Variants in RASA1 observed in about 807,000 individuals in gnomAD.
The protein encoded by RASA1 is ras GTPase-activating protein 1.
A neutral mutation model predicts 132.2 loss-of-function variants in RASA1; 25 were observed. The ratio of observed to expected loss-of-function variants is 0.19; its 90% CI spans 0.14 to 0.26. The LOEUF (loss-of-function observed/expected upper bound fraction) is 0.26. Among genes scored for constraint, RASA1 ranks in the 10% least tolerant of loss-of-function variants. The probability of loss-of-function intolerance (pLI) is 1.00; values close to 1 mark genes in which losing one functional copy is unlikely to be tolerated. For missense variants in RASA1, 964 were observed against 1,299.2 expected, an observed-to-expected ratio of 0.74 and a Z score of 3.97; for synonymous variants, 477 against 449.9, an observed-to-expected ratio of 1.06 and a Z score of -0.76.
chr5:87,290,064 T>C (rs1055144635), intron 1 of RASA1, among the ~76,000 whole-genome samples: 1 of 152,248 alleles, frequency 6.6e-6, no homozygotes, highest in Non-Finnish European at 1.5e-5. Flanking sequence ...GCAGTCATCT[T>C]GACTTTTGCT....
intron 24 of RASA1, among the ~76,000 whole-genome samples, chr5:87,390,501 T>A (rs1001406057): frequency 8.5e-5 from 13 of 152,078 alleles, no homozygotes; most frequent in African/African-American, 2.9e-4. Flanking sequence ...AAGCCTTTTT[T>A]AAAAGAGAGA....
intron 1 of RASA1, among the ~76,000 whole-genome samples, chr5:87,309,340 A>G (rs964635865): frequency 3.3e-5 from 5 of 152,156 alleles, no homozygotes; most frequent in African/African-American, 1.2e-4. Flanking sequence ...AGAAAAGAGC[A>G]ATCAGACAGG....
chr5:87,278,622 A>G (rs577410262), intron 1 of RASA1, among the ~76,000 whole-genome samples: 5 of 152,192 alleles, frequency 3.3e-5, no homozygotes, highest in South Asian at 2.1e-4. Context: ...AACATCTTGC[A>G]TAACTATAGT....
At chr5:87,290,203 A>G (rs1392110854) in intron 1 of RASA1, among the ~76,000 whole-genome samples, 2 of 152,192 alleles carry the variant, frequency 1.3e-5, no homozygotes, top group African/African-American at 4.8e-5. Context: ...GAGGACAAGG[A>G]GGATGCAAAA....
At chr5:87,383,837 C>A (rs1761892380) in intron 21 of RASA1, 57 bp downstream of exon 21, 17 of 1,314,102 alleles carry the variant, frequency 1.3e-5, no homozygotes, top group South Asian at 2.5e-5. Context: ...CAGTTTCATA[C>A]TATTTAAGAA....
intron 1 of RASA1, among the ~76,000 whole-genome samples, chr5:87,298,489 G>T (rs1421057995): frequency 6.6e-6 from 1 of 151,990 alleles, no homozygotes; most frequent in East Asian, 1.9e-4. Flanking sequence ...CTGTTTAAAG[G>T]TTACAAGTTT....
chr5:87,274,579 C>T (rs1451918970), intron 1 of RASA1, among the ~76,000 whole-genome samples: 1 of 151,666 alleles, frequency 6.6e-6, no homozygotes, highest in East Asian at 1.9e-4. Flanking sequence ...AGTAAAATGC[C>T]CCTTTTCTCA....
intron 8 of RASA1, among the ~76,000 whole-genome samples, chr5:87,352,791 T>C (rs1352761466): frequency 6.6e-6 from 1 of 151,900 alleles, no homozygotes; most frequent in Non-Finnish European, 1.5e-5. Context: ...GCCATGTTTC[T>C]GTGAATTCTT....
At chr5:87,299,352 T>A (rs1267839135) in intron 1 of RASA1, among the ~76,000 whole-genome samples, 1 of 152,234 alleles carries the variant, frequency 6.6e-6, no homozygotes, top group Admixed American at 6.5e-5. Flanking sequence ...TGGTTTTTAA[T>A]GCTTTTAGTG....
At chr5:87,386,926 CTTTT>C (rs749486907) in intron 23 of RASA1, 23 bp downstream of exon 23, 2 of 1,584,562 alleles carry the variant, frequency 1.3e-6, no homozygotes, top group South Asian at 1.1e-5. Context: ...TTTTCAGGTA[CTTTT>C]TTTAAGACTT....
chr5:87,326,658 A>G (rs1757252088), intron 1 of RASA1, among the ~76,000 whole-genome samples: 2 of 152,170 alleles, frequency 1.3e-5, no homozygotes, highest in African/African-American at 4.8e-5. Flanking sequence ...TCAAGTACAT[A>G]CTATCCTTTA....
At chr5:87,371,002 G>T (rs1760895565) in intron 12 of RASA1, among the ~76,000 whole-genome samples, 1 of 152,026 alleles carries the variant, frequency 6.6e-6, no homozygotes, top group South Asian at 2.1e-4. Flanking sequence ...GATGAGAAAG[G>T]TAGTGCTCAA....
chr5:87,349,927 T>A, intron 8 of RASA1, among the ~76,000 whole-genome samples: 1 of 151,884 alleles, frequency 6.6e-6, no homozygotes. Context: ...TATGATAGAA[T>A]GTCAGCAATT....
intron 1 of RASA1, chr5:87,318,763 A>G (rs1353565275): frequency 2.0e-5 from 3 of 152,000 alleles, no homozygotes; most frequent in Admixed American, 6.6e-5. Context: ...CCTCTCCCAA[A>G]TCTCATATTA....
intron 22 of RASA1, among the ~76,000 whole-genome samples, chr5:87,386,404 C>T (rs1233904866): frequency 1.3e-5 from 2 of 151,976 alleles, no homozygotes; most frequent in African/African-American, 2.4e-5. Flanking sequence ...CTATTGCAGT[C>T]TTTATTATAT....
chr5:87,378,680 T>A, intron 18 of RASA1, 142 bp downstream of exon 18: 2 of 883,618 alleles, frequency 2.3e-6, no homozygotes, highest in South Asian at 1.7e-5. Context: ...CTGTAATACA[T>A]TTATAAAAAT....
intron 1 of RASA1, among the ~76,000 whole-genome samples, chr5:87,293,287 A>G (rs1025415589): frequency 6.6e-6 from 1 of 151,554 alleles, no homozygotes; most frequent in Non-Finnish European, 1.5e-5. Flanking sequence ...GTTCCCTTCT[A>G]TTCCTAATTT....
intron 8 of RASA1, among the ~76,000 whole-genome samples, chr5:87,349,698 A>G: frequency 6.6e-6 from 1 of 152,058 alleles, no homozygotes; most frequent in Non-Finnish European, 1.5e-5. Flanking sequence ...ACATTATTTT[A>G]TCAGTGAGAT....
In RASA1 at chr5:87,372,164, G is replaced by A; in HGVS notation, c.1745G>A (p.Ser582Asn). 1.9e-6 allele frequency: 3 copies of A among 1,613,696 alleles called. No homozygotes were observed. The highest frequency in any genetic ancestry group is 2.5e-6 in the Non-Finnish European group (3 of 1,179,752). ...LQAFCNLRKS[S>N]PGTSNKRLRQ... ...GCATTTTGCAATTTACGGAAAAGTA[G>A]TCCAGGGACATCCAATAAACGCCTT... Residue 582 changes from serine (S) to asparagine (N), a missense_variant, in exon 13 of 25, where the codon AGT becomes AAT. Ser to Asn is a conservative substitution (Grantham distance 46). This residue lies in a region of RASA1 where 346 missense variants were observed against 520.1 expected (regional missense o/e 0.67). Coordinates refer to ENST00000274376, the MANE Select transcript of RASA1 (RefSeq NM_002890.3).
Sources: allele counts gnomAD v4.1 joint callset (sites outside exome capture counted in the v4.1 genomes callset), GRCh38; gene constraint gnomAD v4.1.1; regional missense constraint gnomAD v4.1.1; transcripts MANE v1.5; gene names NCBI Gene and HGNC (gene_info 2026-07-23, HGNC 2026-07-21).